The following NCOA2 variants were observed in gnomAD, a reference collection of about 807,000 sequenced individuals.
NCOA2 encodes class E basic helix-loop-helix protein 75.
Under a neutral mutation model 145.1 loss-of-function variants are expected in NCOA2, and 21 were observed. The ratio of observed to expected loss-of-function variants is 0.14; its 90% CI spans 0.10 to 0.21. The LOEUF (loss-of-function observed/expected upper bound fraction) is 0.21. Among genes scored for constraint, NCOA2 ranks in the 10% least tolerant of loss-of-function variants. NCOA2 has a pLI of 1.00. For synonymous variants in NCOA2, 619 were observed against 637.5 expected, an observed-to-expected ratio of 0.97 and a Z score of 0.44; for missense variants, 1,472 against 1,837.6, an observed-to-expected ratio of 0.80 and a Z score of 3.64.
At chr8:70,209,333 T>G (rs569997839) in intron 4 of NCOA2, among the ~76,000 whole-genome samples, 1 of 152,378 alleles carries the variant, frequency 6.6e-6, no homozygotes, top group East Asian at 1.9e-4. Context: ...AATCAACTCC[T>G]GGTAAAGATG....
intron 1 of NCOA2, among the ~76,000 whole-genome samples, chr8:70,319,409 G>A (rs1452806386): frequency 6.6e-6 from 1 of 152,030 alleles, no homozygotes; most frequent in Non-Finnish European, 1.5e-5. Context: ...AGGCATGGTG[G>A]TGTAGGACCA....
intron 2 of NCOA2, among the ~76,000 whole-genome samples, chr8:70,279,539 C>T (rs150768576): frequency 6.6e-6 from 1 of 152,318 alleles, no homozygotes; most frequent in African/African-American, 2.4e-5. Flanking sequence ...TACCCCTCTA[C>T]AACACATGCA....
rs770085240 is a variant in NCOA2, at chr8:70,138,325, A to G, written c.3036T>C (p.Ser1012=). The G allele has an allele frequency of 7.5e-6, 12 of 1,607,620 alleles. No individual in the cohort carries two copies. The highest frequency in any genetic ancestry group is 1.0e-5 in the Non-Finnish European group (12 of 1,177,542). The change falls in exon 15 of 23, where the codon TCT becomes TCC. Residue 1012 remains serine, a synonymous_variant. Transcript: ENST00000452400. ...LQSQVMNIGP[S]ELEMNMGGPQ... is the part of the protein sequence containing the mutation. ...GTCCCCCCATGTTCATCTCTAATTC[A>G]GATGGCCCTAGAAAGGGAGAAGAAA...
chr8:70,327,740 T>C (rs1563768257), intron 1 of NCOA2, among the ~76,000 whole-genome samples: 1 of 152,170 alleles, frequency 6.6e-6, no homozygotes, highest in Non-Finnish European at 1.5e-5. Flanking sequence ...GTAGATATTA[T>C]GATTAAACAC....
At chr8:70,305,145 C>T (rs1827794514) in intron 1 of NCOA2, among the ~76,000 whole-genome samples, 6 of 151,430 alleles carry the variant, frequency 4.0e-5, no homozygotes, top group African/African-American at 1.2e-4. Context: ...CCTAGGCCTC[C>T]CAAAGTGCTG....
the NCOA2 span, among the ~76,000 whole-genome samples, chr8:70,449,108 C>T: frequency 3.3e-5 from 5 of 152,122 alleles, no homozygotes; most frequent in Non-Finnish European, 7.4e-5. Flanking sequence ...ACCTGGCCTA[C>T]CTTACACTTT....
chr8:70,292,073 T>A (rs1223658014), intron 2 of NCOA2, among the ~76,000 whole-genome samples: 15 of 121,704 alleles, frequency 1.2e-4, no homozygotes, highest in African/African-American at 5.4e-4. Flanking sequence ...AGACGCCGTC[T>A]CAAAAAAAAA....
At chr8:70,385,704 G>C (rs554918984) in intron 1 of NCOA2, among the ~76,000 whole-genome samples, 3 of 152,198 alleles carry the variant, frequency 2.0e-5, no homozygotes, top group Non-Finnish European at 2.9e-5. Context: ...TGGGATTACA[G>C]GCATGAGCCA....
At chr8:70,230,094 A>G (rs1405175164) in intron 2 of NCOA2, among the ~76,000 whole-genome samples, 9 of 152,350 alleles carry the variant, frequency 5.9e-5, no homozygotes, top group Non-Finnish European at 1.3e-4. Flanking sequence ...CTGTGAGTAC[A>G]ATGAAAACTT....
intron 1 of NCOA2, among the ~76,000 whole-genome samples, chr8:70,356,385 A>G (rs1198489117): frequency 6.6e-6 from 1 of 152,072 alleles, no homozygotes; most frequent in Non-Finnish European, 1.5e-5. Context: ...AAGTAAAATC[A>G]CTCCACTAGT....
At chr8:70,287,487 T>A (rs1318327490) in intron 2 of NCOA2, among the ~76,000 whole-genome samples, 1 of 152,216 alleles carries the variant, frequency 6.6e-6, no homozygotes, top group Non-Finnish European at 1.5e-5. Context: ...TAAATTACTT[T>A]TTAAGAATTT....
In NCOA2 at chr8:70,216,718, C is replaced by T; in HGVS notation, c.28G>A (p.Asp10Asn). 3 of 1,613,650 alleles carry T rather than the reference C, an allele frequency of 1.9e-6. No individual in the cohort carries two copies. The South Asian group carries it at 3.3e-5, about 18-fold the overall frequency. MSGMGENTS[D>N]PSRAETRKRK... Reference sequence around the variant, plus strand: ...TTTCTTGTCTCTGCCCTGGAGGGGTCAGAGGTATTTTCTCCCATCCCACTC... The same window carrying T: ...TTTCTTGTCTCTGCCCTGGAGGGGTTAGAGGTATTTTCTCCCATCCCACTC... The change falls in exon 3 of 23, where the codon GAC (aspartate) becomes AAC (asparagine). Residue 10 changes from aspartate to asparagine, a missense_variant. Asp to Asn is a conservative substitution (Grantham distance 23). This residue lies in a region of NCOA2 where 284 missense variants were observed against 467.8 expected (regional missense o/e 0.61). Coordinates refer to ENST00000452400, the MANE Select transcript of NCOA2 (RefSeq NM_006540.4).
chr8:70,403,273 G>A (rs1814538601), intron 1 of NCOA2, among the ~76,000 whole-genome samples: 1 of 151,262 alleles, frequency 6.6e-6, no homozygotes, highest in Non-Finnish European at 1.5e-5. Context: ...GCTGGGCAAT[G>A]GGCACTCGCT....
At chr8:70,383,504 T>C (rs904260986) in intron 1 of NCOA2, among the ~76,000 whole-genome samples, 2 of 151,704 alleles carry the variant, frequency 1.3e-5, no homozygotes, top group Non-Finnish European at 2.9e-5. Context: ...GTTTTTTTTG[T>C]TTTTGTTTTT....
intron 1 of NCOA2, among the ~76,000 whole-genome samples, chr8:70,388,145 TTCAGAAC>T (rs1320762653): frequency 6.6e-6 from 1 of 152,200 alleles, no homozygotes; most frequent in African/African-American, 2.4e-5. Flanking sequence ...AACTCCCTGA[TTCAGAAC>T]TCAAGGAAAA....
intron 2 of NCOA2, among the ~76,000 whole-genome samples, chr8:70,295,849 G>A (rs1001366141): frequency 6.6e-5 from 10 of 152,138 alleles, no homozygotes; most frequent in Admixed American, 3.3e-4. Context: ...TGAGGCTGAG[G>A]CAGGAGAATC....
At chr8:70,173,248 C>T (rs1382781391) in intron 5 of NCOA2, among the ~76,000 whole-genome samples, 3 of 152,110 alleles carry the variant, frequency 2.0e-5, no homozygotes, top group African/African-American at 7.2e-5. Context: ...GGCTTGAGTC[C>T]CAGCTCTGTT....
chr8:70,164,150 G>C (rs756884082), intron 7 of NCOA2, among the ~76,000 whole-genome samples: 1 of 152,160 alleles, frequency 6.6e-6, no homozygotes, highest in African/African-American at 2.4e-5. Flanking sequence ...AAAATGCAGC[G>C]TGCACCAGAA....
chr8:70,119,365 C>G (rs1807516346), intron 22 of NCOA2, among the ~76,000 whole-genome samples: 2 of 152,184 alleles, frequency 1.3e-5, no homozygotes, highest in Admixed American at 1.3e-4. Context: ...CCAGTTCCAT[C>G]TACGTTGCCA....
Sources: gnomAD v4.1 joint callset for allele counts (sites outside exome capture counted in the v4.1 genomes callset) on GRCh38, gnomAD v4.1.1 for gene constraint, gnomAD v4.1.1 regional missense constraint, MANE v1.5 for transcripts, NCBI Gene and HGNC (gene_info 2026-07-23, HGNC 2026-07-21) for gene names.